LMNTD1: variants seen among roughly 807,000 people sequenced by gnomAD.
The protein encoded by LMNTD1 is lamin tail domain-containing protein 1.
A neutral mutation model predicts 50.9 loss-of-function variants in LMNTD1; 35 were observed. The observed-to-expected ratio is 0.69, with a 90% CI of 0.53 to 0.91. The LOEUF (loss-of-function observed/expected upper bound fraction) is 0.91, where lower values mean the gene tolerates loss of function less well. LMNTD1 is among the 40% of genes least tolerant of loss of function. The pLI is 0.00. For missense variants in LMNTD1, 470 were observed against 475.5 expected, an observed-to-expected ratio of 0.99 and a Z score of 0.11; for synonymous variants, 153 against 161.9, an observed-to-expected ratio of 0.94 and a Z score of 0.42.
chr12:25,513,990 T>A (rs1377816740), intron 8 of LMNTD1, among the ~76,000 whole-genome samples: 1 of 151,984 alleles, frequency 6.6e-6, no homozygotes, highest in Admixed American at 6.6e-5. Context: ...AACATGACCT[T>A]TAAAATTCTT....
chr12:25,574,696 T>G (rs982702199), intron 1 of LMNTD1, among the ~76,000 whole-genome samples: 3 of 152,158 alleles, frequency 2.0e-5, no homozygotes, highest in Non-Finnish European at 4.4e-5. Context: ...ATTACCGTTG[T>G]TTTTGTGTAT....
chr12:25,490,289 A>G (rs1938840916), intron 9 of LMNTD1, among the ~76,000 whole-genome samples: 1 of 151,828 alleles, frequency 6.6e-6, no homozygotes, highest in African/African-American at 2.4e-5. Context: ...CCACTTGGGA[A>G]GTTCAAAGAG....
chr12:25,593,086 G>C (rs1945748544), intron 1 of LMNTD1, among the ~76,000 whole-genome samples: 1 of 135,918 alleles, frequency 7.4e-6, no homozygotes, highest in Admixed American at 8.5e-5. Flanking sequence ...AGAAGAGTCT[G>C]AGCTCAGACA....
At chr12:25,495,066 G>A (rs1939014302) in intron 9 of LMNTD1, among the ~76,000 whole-genome samples, 1 of 152,124 alleles carries the variant, frequency 6.6e-6, no homozygotes, top group African/African-American at 2.4e-5. Flanking sequence ...CTTAGACACT[G>A]GAGGAAGGGC....
intron 1 of LMNTD1, among the ~76,000 whole-genome samples, chr12:25,603,980 A>G (rs1347016993): frequency 5.3e-5 from 8 of 152,120 alleles, no homozygotes; most frequent in Middle Eastern, 3.2e-3. Context: ...TCAGTCTTAC[A>G]TGTCAGGCTA....
At chr12:25,550,847 A>T (rs951542091) in intron 2 of LMNTD1, among the ~76,000 whole-genome samples, 2 of 152,242 alleles carry the variant, frequency 1.3e-5, no homozygotes, top group East Asian at 1.9e-4. Flanking sequence ...AGACACAGAC[A>T]TCTCAGGCAA....
chr12:25,563,682 G>C (rs1401696966), intron 1 of LMNTD1, among the ~76,000 whole-genome samples: 1 of 152,166 alleles, frequency 6.6e-6, no homozygotes, highest in Non-Finnish European at 1.5e-5. Flanking sequence ...TGTCAGACAG[G>C]GATGTTTAAG....
rs368189618 is a variant in LMNTD1 at position 25,484,317 on chromosome 12, T to G, written c.*23-7857A>C. On this transcript the variant is annotated intron_variant, in intron 9 of 9. Transcript: ENST00000458174. ...TCTCTCTATGTTGCCCAGGCTGGTC[T>G]TGAACTCCTGAGTTCAAACAAACCT... Among the ~76,000 whole-genome samples, 188 of 152,034 alleles carry G rather than the reference T, an allele frequency of 1.2e-3. 3 individuals are homozygous for G. Among genetic ancestry groups the G allele is most frequent in the South Asian group, 0.01 (49 of 4,826 alleles).
intron 4 of LMNTD1, among the ~76,000 whole-genome samples, chr12:25,543,781 TG>T (rs1389611558): frequency 2.0e-5 from 3 of 151,922 alleles, no homozygotes; most frequent in African/African-American, 7.2e-5. Context: ...TTTGGTATGT[TG>T]TGTTTCCATT....
At chr12:25,599,202 AG>A (rs1945909949) in intron 1 of LMNTD1, among the ~76,000 whole-genome samples, 1 of 152,062 alleles carries the variant, frequency 6.6e-6, no homozygotes, top group African/African-American at 2.4e-5. Flanking sequence ...AACAGAATGA[AG>A]GAAAAAAATG....
At chr12:25,611,282 A>G (rs922319566) in intron 1 of LMNTD1, among the ~76,000 whole-genome samples, 4 of 152,224 alleles carry the variant, frequency 2.6e-5, no homozygotes, top group Non-Finnish European at 4.4e-5. Context: ...GGGCAAGGAG[A>G]CCACGAAGAT....
chr12:25,499,124 T>C (rs1591829628), intron 9 of LMNTD1, among the ~76,000 whole-genome samples: 1 of 152,148 alleles, frequency 6.6e-6, no homozygotes, highest in African/African-American at 2.4e-5. Flanking sequence ...CAGGCTGGAG[T>C]GCAGTGGCAT....
At chr12:25,516,971 T>C (rs1940833594) in intron 8 of LMNTD1, among the ~76,000 whole-genome samples, 1 of 150,390 alleles carries the variant, frequency 6.6e-6, no homozygotes, top group Admixed American at 6.7e-5. Flanking sequence ...TCACCATCAC[T>C]GGCCATCAGA....
At chr12:25,598,116 G>T (rs1442005898) in intron 1 of LMNTD1, among the ~76,000 whole-genome samples, 1 of 152,080 alleles carries the variant, frequency 6.6e-6, no homozygotes, top group African/African-American at 2.4e-5. Flanking sequence ...TGCTATGATT[G>T]TGAGGCCTCC....
intron 1 of LMNTD1, among the ~76,000 whole-genome samples, chr12:25,562,765 A>T (rs1218303956): frequency 1.3e-5 from 2 of 152,234 alleles, no homozygotes; most frequent in Non-Finnish European, 2.9e-5. Context: ...CGTCACTTTC[A>T]GGTACACCAA....
chr12:25,533,395 A>G (rs983816169), intron 4 of LMNTD1, among the ~76,000 whole-genome samples: 1 of 152,226 alleles, frequency 6.6e-6, no homozygotes, highest in Non-Finnish European at 1.5e-5. Context: ...GAGGAGAAAC[A>G]TGGCTAAGTC....
intron 1 of LMNTD1, among the ~76,000 whole-genome samples, chr12:25,634,029 G>A (rs1158816423): frequency 6.6e-6 from 1 of 152,126 alleles, no homozygotes; most frequent in Non-Finnish European, 1.5e-5. Flanking sequence ...AAATACGAAA[G>A]ATCATTCAAG....
intron 3 of LMNTD1, chr12:25,547,327 G>A (rs1943491780): frequency 4.3e-6 from 1 of 234,630 alleles, no homozygotes; most frequent in South Asian, 1.5e-4. Flanking sequence ...GCCACGTGAT[G>A]TAAGTTTTCC....
rs144123385 is a variant in LMNTD1 at position 25,564,117 on chromosome 12, C to T, written c.59-17563G>A. Among the ~76,000 whole-genome samples the T allele has an allele frequency of 6.7e-3, 1,020 of 152,254 alleles. 7 individuals carry two copies. Among genetic ancestry groups the T allele is most frequent in the African/African-American group, 0.024 (982 of 41,538 alleles). ...GCGCTTCCCAGGTGAGGCAATGCCC[C>T]GCCCTGCTCCATGGGCTGCACCCAC... On this transcript the variant is annotated intron_variant, in intron 1 of 7. Transcript: ENST00000445693.
Sources: allele counts gnomAD v4.1 joint callset (sites outside exome capture counted in the v4.1 genomes callset), GRCh38; gene constraint gnomAD v4.1.1; transcripts MANE v1.5; gene names NCBI Gene and HGNC (gene_info 2026-07-23, HGNC 2026-07-21).